RBM10: variants seen among roughly 807,000 people sequenced by gnomAD.
RBM10 encodes RNA-binding protein 10.
A neutral mutation model predicts 84.9 loss-of-function variants in RBM10; 1 was observed. The observed-to-expected ratio is 0.01, with a 90% CI of 0.00 to 0.06. RBM10 has a LOEUF of 0.06. Ranked by LOEUF, RBM10 falls within the 10% of genes least tolerant of loss-of-function variation. The pLI, the probability that RBM10 is intolerant of heterozygous loss-of-function variation, is 1.00. For missense variants in RBM10, 438 were observed against 839.0 expected, an observed-to-expected ratio of 0.52 and a Z score of 5.90; for synonymous variants, 326 against 344.5, an observed-to-expected ratio of 0.95 and a Z score of 0.60.
At chrX:47,179,651 C>T (rs1265665813) in intron 9 of RBM10, 156 bp downstream of exon 9, 15 of 779,958 alleles carry the variant, frequency 1.9e-5, no homozygotes, top group South Asian at 7.2e-5. Flanking sequence ...GGAGTGGCAA[C>T]ATCCCACCTG....
rs782243389 is a variant in RBM10 at position 47,166,862 on chromosome X, G to A, written c.18-2453G>A. Among the ~76,000 whole-genome samples the A allele has an allele frequency of 7.6e-5, 8 of 105,683 alleles. No homozygotes were observed. The South Asian group carries it at 3.0e-3, about 39-fold the overall frequency. The allele number at this position is 105,683 out of a possible 115,157, so 91.8% of individuals were successfully genotyped here. On this transcript the variant is annotated intron_variant, in intron 2 of 23. Transcript: ENST00000377604. The stretch of plus-strand genomic sequence containing the variant: ...GCGATCTCGGCTCATTGCAACCTCC[G>A]CCTTCTGGGTTCAAGCGATTCTCCT...
intron 2 of RBM10, among the ~76,000 whole-genome samples, chrX:47,150,188 G>T (rs1369051163): frequency 9.2e-6 from 1 of 108,714 alleles, no homozygotes; most frequent in Non-Finnish European, 1.9e-5. Context: ...TGTTTGTTTT[G>T]AGATGAGTCT....
intron 1 of RBM10, 136 bp downstream of exon 1, chrX:47,145,621 GTTTTTTTTTTTTTGGTTTTTTTTTTTT>G (rs1397437795): frequency 3.8e-5 from 7 of 186,635 alleles, no homozygotes; most frequent in South Asian, 2.0e-4. Flanking sequence ...ACCCGGGAGG[GTTTTTTTTTTTTTGGTTTTTTTTTTTT>G]TTTTTTTTTT....
chrX:47,153,127 T>C (rs1932864178), intron 2 of RBM10, among the ~76,000 whole-genome samples: 2 of 112,322 alleles, frequency 1.8e-5, no homozygotes, highest in South Asian at 7.3e-4. Flanking sequence ...ATTACAGGCA[T>C]GAGCCACCAC....
rs1009898656 is a variant in RBM10 at position 47,186,655 on chromosome X, G to A, written c.*56G>A. 5.8e-6 allele frequency: 7 copies of A among 1,199,913 alleles called. No individual in the cohort carries two copies. The highest frequency in any genetic ancestry group is 2.2e-5 in the Admixed American group (1 of 46,025). The stretch of plus-strand genomic sequence containing the variant: ...GGGTGTCCATCCTGGGGCAGGGAAG[G>A]ACAGAGTGTTGGATGGCTGGGACGG... On this transcript the variant is annotated 3_prime_UTR_variant, in exon 24 of 24. Transcript: ENST00000377604.
intron 17 of RBM10, among the ~76,000 whole-genome samples, chrX:47,184,155 G>A (rs1237198326): frequency 9.0e-6 from 1 of 111,702 alleles, no homozygotes; most frequent in Admixed American, 9.5e-5. Flanking sequence ...TTGAGATGGA[G>A]TTTCACTCTT....
At chrX:47,164,285 G>A (rs886847716) in intron 2 of RBM10, among the ~76,000 whole-genome samples, 1 of 111,468 alleles carries the variant, frequency 9.0e-6, no homozygotes, top group Middle Eastern at 4.6e-3. Context: ...CAGAATATAT[G>A]AACTCTTACA....
chrX:47,177,109 G>A (rs782172692), intron 7 of RBM10, among the ~76,000 whole-genome samples: 10 of 112,371 alleles, frequency 8.9e-5, no homozygotes, highest in Non-Finnish European at 1.7e-4. Context: ...CTGTGTTAAT[G>A]AGAGAGTAAC....
In RBM10 at chrX:47,171,142, G is replaced by A. The variant is rs1556772879; in HGVS notation, c.316G>A (p.Asp106Asn). 1.7e-6 allele frequency: 2 copies of A among 1,210,768 alleles called. No homozygotes were observed. The highest frequency in any genetic ancestry group is 2.2e-6 in the Non-Finnish European group (2 of 895,086). ...FPRDGDYRDQ[D>N]YRTEQGEEEE... ...CCGAGACGGCGACTATCGGGACCAG[G>A]ACTATCGGACCGAGCAAGGGGAGGA... The change falls in exon 4 of 24, where the codon GAC becomes AAC. Residue 106 changes from aspartate (D) to asparagine (N), a missense_variant. By Grantham distance (23) the Asp-to-Asn change is conservative (BLOSUM62 1). Transcript: ENST00000377604.
At chrX:47,155,801 CTTCT>C (rs1299111969) in intron 2 of RBM10, among the ~76,000 whole-genome samples, 1 of 83,580 alleles carries the variant, frequency 1.2e-5, no homozygotes, top group East Asian at 4.5e-4. Flanking sequence ...CTTTTTTTTT[CTTCT>C]TTCTTTCTTT....
chrX:47,152,417 C>T (rs1029729321), intron 2 of RBM10, among the ~76,000 whole-genome samples: 2 of 105,570 alleles, frequency 1.9e-5, no homozygotes, highest in Non-Finnish European at 1.9e-5. Context: ...AGTATTTTGC[C>T]ACATTTGCTC....
intron 2 of RBM10, among the ~76,000 whole-genome samples, chrX:47,154,601 GC>G (rs1165938631): frequency 9.1e-6 from 1 of 109,292 alleles, no homozygotes; most frequent in Non-Finnish European, 1.9e-5. Context: ...ACAGGCCCGT[GC>G]CACCACACCC....
At chrX:47,179,728 C>A in intron 9 of RBM10, 152 bp from the exon 10 acceptor site, 2 of 858,880 alleles carry the variant, frequency 2.3e-6, no homozygotes, top group Non-Finnish European at 3.3e-6. Flanking sequence ...GACCGCCAAG[C>A]AGAGTTGATC....
chrX:47,164,993 C>G (rs1410014813), intron 2 of RBM10, among the ~76,000 whole-genome samples: 2 of 111,817 alleles, frequency 1.8e-5, no homozygotes, highest in Non-Finnish European at 3.8e-5. Flanking sequence ...ACCTTGAAAA[C>G]ATGCCAGGTG....
intron 2 of RBM10, among the ~76,000 whole-genome samples, chrX:47,160,212 A>G (rs1350177595): frequency 8.9e-6 from 1 of 112,480 alleles, no homozygotes; most frequent in African/African-American, 3.2e-5. Flanking sequence ...CAAAGAATTT[A>G]TGGCTAAGTC....
intron 3 of RBM10, 75 bp downstream of exon 3, chrX:47,169,573 C>G (rs782381427): frequency 9.7e-7 from 1 of 1,029,640 alleles, no homozygotes; most frequent in Non-Finnish European, 1.3e-6. Flanking sequence ...GCTGCAGCAC[C>G]GTGTGCAGGC....
Position 47,180,464 on chromosome X carries a change from G to T in RBM10, c.1206G>T (p.Val402=). The T allele has an allele frequency of 8.3e-7, 1 of 1,210,258 alleles. No homozygotes were observed. Among genetic ancestry groups the T allele is most frequent in the Non-Finnish European group, 1.1e-6 (1 of 895,133 alleles). ...NEGSRISAAS[V]ASTAIAAAQW... ...GCAGTCGCATCAGTGCTGCCTCTGT[G>T]GCCAGCACTGCCATTGCTGCGGCCC... The change falls in exon 12 of 24, where the codon GTG becomes GTT. Residue 402 remains valine (V), a synonymous_variant. Coordinates refer to ENST00000377604, the MANE Select transcript of RBM10 (RefSeq NM_005676.5).
chrX:47,163,565 C>T (rs1556767465), intron 2 of RBM10, among the ~76,000 whole-genome samples: 1 of 111,720 alleles, frequency 9.0e-6, no homozygotes, highest in African/African-American at 3.3e-5. Flanking sequence ...TGTGATCCGC[C>T]CGTCTTGGCC....
chrX:47,180,333 T>TGCCCC, intron 11 of RBM10, 24 bp downstream of exon 11: 3 of 1,107,372 alleles, frequency 2.7e-6, no homozygotes, highest in Non-Finnish European at 3.7e-6. Flanking sequence ...CTGTGTGCCT[T>TGCCCC]CCCACCCTTC....
Sources: allele counts gnomAD v4.1 joint callset (sites outside exome capture counted in the v4.1 genomes callset), GRCh38; gene constraint gnomAD v4.1.1; transcripts MANE v1.5; gene names NCBI Gene and HGNC (gene_info 2026-07-23, HGNC 2026-07-21).